TNS2: variants seen among roughly 807,000 people sequenced by gnomAD.
The protein encoded by TNS2 is tensin 2, also known as tensin-2.
Under a neutral mutation model 155.7 loss-of-function variants are expected in TNS2, and 77 were observed. That is an observed-to-expected ratio of 0.49 (90% CI 0.41 to 0.60). The LOEUF is 0.60. TNS2 is among the 20% of genes least tolerant of loss of function. The pLI is 0.00. For synonymous variants in TNS2, 726 were observed against 763.9 expected (o/e 0.95, Z 0.82); for missense variants, 1,703 against 1,868.8 (o/e 0.91, Z 1.64).
chr12:53,048,838 G>T, upstream of TNS2: 1 of 234,452 alleles, frequency 4.3e-6, no homozygotes, highest in Non-Finnish European at 8.2e-6. Context: ...TGGTGGATAT[G>T]AAGGAGCAGG....
chr12:53,051,336 G>C (rs1475478789), intron 1 of TNS2, among the ~76,000 whole-genome samples: 1 of 152,192 alleles, frequency 6.6e-6, no homozygotes, highest in African/African-American at 2.4e-5. Flanking sequence ...CTGACCGTGG[G>C]GGAGGAGGGC....
Position 53,058,995 on chromosome 12 carries a change from T to C in TNS2, c.1406-52T>C, listed in dbSNP as rs1944269096. The C allele has an allele frequency of 2.6e-6, 4 of 1,537,176 alleles. No individual in the cohort carries two copies. In the Admixed American group the frequency reaches 5.6e-5, roughly 22 times the overall value. On this transcript the variant is annotated intron_variant, in intron 17 of 28. Coordinates refer to ENST00000314250, the MANE Select transcript of TNS2 (RefSeq NM_170754.4). ...CATCCCCTCTCATGAATTTTCTCTC[T>C]CCCTCCCTGTTCCCCGCTTGCCCTC...
intron 8 of TNS2, 63 bp downstream of exon 8, chr12:53,055,299 C>G (rs1944107527): frequency 1.3e-6 from 2 of 1,558,060 alleles, no homozygotes; most frequent in African/African-American, 1.4e-5. Flanking sequence ...AAGCCCCCAG[C>G]TTCCTCGTTA....
chr12:53,063,257 A>G lies in TNS2; in HGVS notation c.3992A>G (p.Lys1331Arg). Residue 1331 changes from lysine to arginine, a missense_variant and splice_region_variant, in exon 26 of 29, where the codon AAG (lysine) becomes AGG (arginine). Lys to Arg is a conservative substitution (Grantham distance 26). Transcript: ENST00000314250. This position sits in a 1 kb window ranked among gnomAD's most constrained non-coding sequence, Gnocchi z 5.6. ...ATTACACTGACGGACAACCAAAGGA[A>G]GTATGTATACTCAGCCCTGTAGAAC... ...QGITLTDNQRKLFFRRHYPVN... is the reference protein window; with the variant it reads ...QGITLTDNQRRLFFRRHYPVN... 6 of 1,613,404 alleles carry G rather than the reference A, an allele frequency of 3.7e-6. No individual in the cohort carries two copies. The highest frequency in any genetic ancestry group is 4.2e-6 in the Non-Finnish European group (5 of 1,179,706).
At chr12:53,057,888 C>T in intron 13 of TNS2, 55 bp downstream of exon 13, 2 of 1,612,352 alleles carry the variant, frequency 1.2e-6, no homozygotes, top group Non-Finnish European at 1.7e-6. Flanking sequence ...CCCTCTTGCT[C>T]CTGCATTCCT....
rs1490448828 is a variant in TNS2 at position 53,050,080 on chromosome 12, C to T, written c.-106C>T. On this transcript the variant is annotated 5_prime_UTR_variant, in exon 1 of 29. Transcript: ENST00000314250. The surrounding 1 kb of genome is among the most constrained non-coding windows in gnomAD (Gnocchi z 4.7). The stretch of plus-strand genomic sequence containing the variant: ...CACACCAGCCAGACAGCCTACCCTC[C>T]GCCCAGGGGAAGCGGCTGCCTCCGC... 17 of 1,537,448 alleles carry T rather than the reference C, an allele frequency of 1.1e-5. No homozygotes were observed. Among genetic ancestry groups the T allele is most frequent in the South Asian group, 7.2e-5 (6 of 82,894 alleles).
intron 10 of TNS2, chr12:53,056,439 C>T (rs1343138647): frequency 6.5e-6 from 1 of 153,800 alleles, no homozygotes. Flanking sequence ...AGCCCCAAAC[C>T]AAGCTGTCAG....
Position 53,060,911 on chromosome 12 carries a change from G to A in TNS2, c.3005G>A (p.Arg1002Gln), listed in dbSNP as rs371701805. 49 of 1,590,032 alleles carry A rather than the reference G, an allele frequency of 3.1e-5. No homozygotes were observed. The highest frequency in any genetic ancestry group is 1.7e-4 in the Middle Eastern group (1 of 5,972). ...GGCCACTCAGATGGCGCCAGTCCTC[G>A]GAGCCCTGTGCCCACCACACTTCCT... ...PGGHSDGASPRSPVPTTLPGL... is the reference protein window; with the variant it reads ...PGGHSDGASPQSPVPTTLPGL... Residue 1002 changes from arginine (R) to glutamine (Q), a missense_variant, in exon 20 of 29, where the codon CGG (arginine) becomes CAG (glutamine). By Grantham distance (43) the Arg-to-Gln change is conservative (BLOSUM62 1). Coordinates refer to ENST00000314250, the MANE Select transcript of TNS2 (RefSeq NM_170754.4). The surrounding 1 kb of genome is among the most constrained non-coding windows in gnomAD (Gnocchi z 6.1).
chr12:53,051,833 CTGTT>C lies in TNS2; in HGVS notation c.76-18_76-15del. ...ATGGGCCCACTGGGAACTCACACCT[CTGTT>C]TGTCCCTCCACCTTCAGCCTAGGAA... On this transcript the variant is annotated intron_variant, in intron 1 of 28. Transcript: ENST00000314250. The C allele has an allele frequency of 1.3e-6, 2 of 1,599,580 alleles. No individual in the cohort carries two copies. The highest frequency in any genetic ancestry group is 1.3e-5 in the African/African-American group (1 of 74,748).
Position 53,063,808 on chromosome 12 carries a change from G to A in TNS2, c.4156G>A (p.Glu1386Lys). Residue 1386 changes from glutamate (E) to lysine (K), a missense_variant, in exon 29 of 29, where the codon GAG becomes AAG. Glu to Lys is a moderately conservative substitution (Grantham distance 56, BLOSUM62 1). Coordinates refer to ENST00000314250, the MANE Select transcript of TNS2 (RefSeq NM_170754.4). The surrounding 1 kb of genome is among the most constrained non-coding windows in gnomAD (Gnocchi z 5.6). Reference protein sequence around the residue: ...PWENVCHLFAELDPDQPAGAI... With the variant: ...PWENVCHLFAKLDPDQPAGAI... ...GGAGAATGTGTGTCACCTCTTTGCAGAGCTTGACCCAGATCAGCCTGCTGG... is the reference window on the plus strand; with the variant it reads ...GGAGAATGTGTGTCACCTCTTTGCAAAGCTTGACCCAGATCAGCCTGCTGG... The A allele has an allele frequency of 1.2e-6, 2 of 1,614,166 alleles. No individual in the cohort carries two copies. Among genetic ancestry groups the A allele is most frequent in the East Asian group, 4.5e-5 (2 of 44,884 alleles).
In TNS2 at chr12:53,062,659, A is replaced by T. The variant is rs1944420519; in HGVS notation, c.3785A>T (p.Asn1262Ile). Residue 1262 changes from asparagine (N) to isoleucine (I), a missense_variant, in exon 25 of 29, where the codon AAC becomes ATC. By Grantham distance (149) the Asn-to-Ile change is moderately radical. Transcript: ENST00000314250. ...EETPEAPVPT[N>I]MSTAADLLRQ... ...ACCCCAGAGGCTCCAGTGCCCACCA[A>T]CATGAGCACAGCGGCAGACCTCCTG... The T allele has an allele frequency of 6.2e-7, 1 of 1,613,976 alleles. No individual in the cohort carries two copies. Among genetic ancestry groups the T allele is most frequent in the Middle Eastern group, 1.7e-4 (1 of 6,060 alleles).
rs760758501 is a variant in TNS2, at chr12:53,060,471, G to A, written c.2684G>A (p.Arg895Gln). The change falls in exon 19 of 29, where the codon CGA becomes CAA. Residue 895 changes from arginine to glutamine, a missense_variant. Arg to Gln is a conservative substitution (Grantham distance 43, BLOSUM62 1). Transcript: ENST00000314250. The surrounding 1 kb of genome is among the most constrained non-coding windows in gnomAD (Gnocchi z 6.1). Reference protein sequence around the residue: ...SGHSTLPRSPRDAPCSASSEL... With the variant: ...SGHSTLPRSPQDAPCSASSEL... ...CACAGCACACTGCCTCGGTCTCCCC[G>A]AGATGCCCCATGCAGTGCTTCGTCA... 2.0e-5 allele frequency: 32 copies of A among 1,613,620 alleles called. No individual in the cohort carries two copies. Among genetic ancestry groups the A allele is most frequent in the Middle Eastern group, 1.6e-4 (1 of 6,084 alleles).
rs780251480 is a variant in TNS2, at chr12:53,062,365, C to G, written c.3668-11C>G. 4 of 1,613,748 alleles carry G rather than the reference C, an allele frequency of 2.5e-6. No homozygotes were observed. The highest frequency in any genetic ancestry group is 3.4e-6 in the Non-Finnish European group (4 of 1,179,876). ...GGGCATCTCGGGACTTTCCTACCTC[C>G]TCTCCCACAGGCAGCCTGTCCGCCT... On this transcript the variant is annotated splice_polypyrimidine_tract_variant and intron_variant, in intron 23 of 28. Coordinates refer to ENST00000314250, the MANE Select transcript of TNS2 (RefSeq NM_170754.4).
chr12:53,053,056 G>A (rs1943997899), intron 3 of TNS2: 1 of 372,214 alleles, frequency 2.7e-6, no homozygotes, highest in East Asian at 6.9e-5. Flanking sequence ...CCTGGAGCTG[G>A]CTTGGGGGAG....
rs1431906145 is a variant in TNS2, at chr12:53,057,615, C to G, written c.894C>G (p.Asn298Lys). 2.5e-6 allele frequency: 4 copies of G among 1,613,868 alleles called. No individual in the cohort carries two copies. Among genetic ancestry groups the G allele is most frequent in the Non-Finnish European group, 3.4e-6 (4 of 1,179,912 alleles). Residue 298 changes from asparagine (N) to lysine (K), a missense_variant, in exon 12 of 29, where the codon AAC (asparagine) becomes AAG (lysine). Asn to Lys is a moderately conservative substitution (Grantham distance 94). Coordinates refer to ENST00000314250, the MANE Select transcript of TNS2 (RefSeq NM_170754.4). Reference sequence around the variant, plus strand: ...TGCTATCTGGCTCCATCAGAATGAACAGCAGCCCTCTCTTCCTGCACTATG... The same window carrying G: ...TGCTATCTGGCTCCATCAGAATGAAGAGCAGCCCTCTCTTCCTGCACTATG... ...SGLLSGSIRMNSSPLFLHYVL... is the reference protein window; with the variant it reads ...SGLLSGSIRMKSSPLFLHYVL...
upstream of TNS2, chr12:53,050,055 C>A: frequency 6.6e-7 from 1 of 1,506,122 alleles, no homozygotes. This position sits in a 1 kb window ranked among gnomAD's most constrained non-coding sequence, Gnocchi z 4.7. Flanking sequence ...GGCTTCTCCT[C>A]ACACCAGCCA....
chr12:53,062,011 C>A, intron 22 of TNS2, 71 bp downstream of exon 22: 2 of 1,610,606 alleles, frequency 1.2e-6, no homozygotes, highest in Admixed American at 1.7e-5. Context: ...GGTAACAGGG[C>A]AGGTGGGGGT....
intron 13 of TNS2, 70 bp downstream of exon 13, chr12:53,057,903 C>T: frequency 6.2e-7 from 1 of 1,611,040 alleles, no homozygotes; most frequent in African/African-American, 1.3e-5. Context: ...ATTCCTGCTT[C>T]TCCAGCCTCC....
rs200599293 is a variant in TNS2 at position 53,057,734 on chromosome 12, C to A, written c.959-39C>A. On this transcript the variant is annotated intron_variant, in intron 12 of 28. Transcript: ENST00000314250. ...GAGAACCACCTTCAGGCCCTCTCCA[C>A]TCAGCACCCCTCCTGTGCCTTCTCC... The A allele has an allele frequency of 3.1e-6, 5 of 1,614,112 alleles. No homozygotes were observed. In the African/African-American group the frequency reaches 6.7e-5, roughly 22 times the overall value.
Sources: gnomAD v4.1 joint callset for allele counts (sites outside exome capture counted in the v4.1 genomes callset) on GRCh38, gnomAD v4.1.1 for gene constraint, Gnocchi (gnomAD v3.1) non-coding constraint, MANE v1.5 for transcripts, NCBI Gene and HGNC (gene_info 2026-07-23, HGNC 2026-07-21) for gene names.